Variants in S100Z observed in about 807,000 individuals in gnomAD.
S100Z encodes the protein protein S100-Z.
A neutral mutation model predicts 8.5 loss-of-function variants in S100Z; 11 were observed. The ratio of observed to expected loss-of-function variants is 1.30; its 90% CI spans 0.82 to 2.15. The LOEUF (loss-of-function observed/expected upper bound fraction) is 2.15, where lower values mean the gene tolerates loss of function less well. S100Z is among the 30% of genes most tolerant of loss of function. The pLI, the probability that S100Z is intolerant of heterozygous loss-of-function variation, is 0.00. For missense variants in S100Z, 126 were observed against 117.9 expected (o/e 1.07, Z -0.32); for synonymous variants, 34 against 43.8 (o/e 0.78, Z 0.89).
chr5:76,946,424 T>C, the S100Z span, among the ~76,000 whole-genome samples: 4 of 152,202 alleles, frequency 2.6e-5, no homozygotes, highest in African/African-American at 9.7e-5. Flanking sequence ...TTCACTACAC[T>C]CTACATTTCA....
At chr5:76,941,716 T>C in the S100Z span, among the ~76,000 whole-genome samples, 1 of 96,140 alleles carries the variant, frequency 1.0e-5, no homozygotes, top group African/African-American at 4.3e-5. Context: ...ACTCCACCCC[T>C]CCCTTCCCCC....
At chr5:76,926,005 GGCACATA>G (rs1249582106), downstream of S100Z, among the ~76,000 whole-genome samples, 2 of 152,086 alleles carry the variant, frequency 1.3e-5, no homozygotes, top group East Asian at 3.9e-4. Context: ...AAAATATAAG[GGCACATA>G]GTTTCAAAGG....
chr5:76,929,517 T>C, the S100Z span, among the ~76,000 whole-genome samples: 2 of 152,218 alleles, frequency 1.3e-5, no homozygotes, highest in Admixed American at 6.5e-5. Context: ...TGGCCAAATA[T>C]AAGTGCATGA....
At chr5:76,871,383 C>T (rs568472770) in intron 2 of S100Z, among the ~76,000 whole-genome samples, 19 of 152,278 alleles carry the variant, frequency 1.2e-4, no homozygotes, top group Non-Finnish European at 2.6e-4. Context: ...AAGGCTGCTA[C>T]CTGGAGGTTT....
At chr5:76,880,206 G>A (rs1324521165) in intron 4 of S100Z, among the ~76,000 whole-genome samples, 1 of 152,160 alleles carries the variant, frequency 6.6e-6, no homozygotes, top group Non-Finnish European at 1.5e-5. Flanking sequence ...AATTACAATG[G>A]TGGAATGTCA....
the S100Z span, among the ~76,000 whole-genome samples, chr5:76,936,125 T>C: frequency 2.0e-5 from 3 of 152,166 alleles, no homozygotes; most frequent in Non-Finnish European, 4.4e-5. Context: ...AATAGTAAAT[T>C]ATTCTATTAG....
chr5:76,896,281 A>C (rs2150665818), intron 4 of S100Z, among the ~76,000 whole-genome samples: 2 of 152,328 alleles, frequency 1.3e-5, no homozygotes, highest in South Asian at 4.1e-4. Context: ...AAGTGAGGAC[A>C]TGCGATGTTT....
intron 1 of S100Z, among the ~76,000 whole-genome samples, chr5:76,860,298 C>A (rs1751018996): frequency 6.6e-6 from 1 of 152,172 alleles, no homozygotes; most frequent in Admixed American, 6.5e-5. Flanking sequence ...TCGACTCCAG[C>A]AACTTTCACC....
downstream of S100Z, among the ~76,000 whole-genome samples, chr5:76,921,996 A>G (rs1471215492): frequency 2.0e-5 from 3 of 151,916 alleles, no homozygotes; most frequent in African/African-American, 2.4e-5. Context: ...CTCAAAAAAA[A>G]AAAAAAAGAA....
intron 4 of S100Z, among the ~76,000 whole-genome samples, chr5:76,902,886 C>G (rs1022896224): frequency 2.0e-5 from 3 of 152,134 alleles, no homozygotes; most frequent in African/African-American, 7.2e-5. Flanking sequence ...GATTTTTCTG[C>G]TTAAAAATAA....
At chr5:76,912,576 T>C (rs1194465515) in intron 4 of S100Z, among the ~76,000 whole-genome samples, 5 of 152,166 alleles carry the variant, frequency 3.3e-5, no homozygotes, top group Non-Finnish European at 7.3e-5. Flanking sequence ...AAAAAATAAA[T>C]GTGTATACGG....
the S100Z span, among the ~76,000 whole-genome samples, chr5:76,940,552 AC>A: frequency 1.3e-5 from 2 of 151,992 alleles, no homozygotes; most frequent in African/African-American, 4.8e-5. Flanking sequence ...AGCTGGGATT[AC>A]AGGCATCTGC....
chr5:76,864,386 A>ATTTTTTTTTTTTTT (rs56206322), intron 1 of S100Z, among the ~76,000 whole-genome samples: 1 of 72,172 alleles, frequency 1.4e-5, no homozygotes, highest in Non-Finnish European at 2.5e-5. Flanking sequence ...TGCATACTAT[A>ATTTTTTTTTTTTTT]TTTTTTTTTT....
At chr5:76,880,018 G>C (rs143897636) in intron 4 of S100Z, among the ~76,000 whole-genome samples, 1 of 152,298 alleles carries the variant, frequency 6.6e-6, no homozygotes, top group East Asian at 1.9e-4. Context: ...AAAGGGTGGC[G>C]GATTATCATT....
chr5:76,931,119 T>C, the S100Z span, among the ~76,000 whole-genome samples: 1 of 151,926 alleles, frequency 6.6e-6, no homozygotes, highest in Non-Finnish European at 1.5e-5. Context: ...TTTTTTTCTT[T>C]TTTGAGACAG....
At chr5:76,927,042 A>G in the S100Z span, among the ~76,000 whole-genome samples, 3 of 152,226 alleles carry the variant, frequency 2.0e-5, no homozygotes, top group Admixed American at 6.5e-5. Context: ...TCGCCTGTGC[A>G]TGATTGTAAG....
chr5:76,874,848 A>C (rs1346285615), intron 2 of S100Z, among the ~76,000 whole-genome samples: 1 of 152,104 alleles, frequency 6.6e-6, no homozygotes, highest in East Asian at 1.9e-4. Context: ...TTGCCCCAGC[A>C]AGGGTGGAAC....
At chr5:76,862,741 G>T (rs1354892855) in intron 1 of S100Z, among the ~76,000 whole-genome samples, 2 of 152,118 alleles carry the variant, frequency 1.3e-5, no homozygotes, top group African/African-American at 2.4e-5. Context: ...GTCGGAGGTT[G>T]CAGTGAGCCG....
chr5:76,915,952 T>G (rs1037017717), intron 4 of S100Z, among the ~76,000 whole-genome samples: 3 of 151,930 alleles, frequency 2.0e-5, no homozygotes, highest in African/African-American at 7.3e-5. Context: ...ATCATGAGGT[T>G]AGGATCAAGA....
Sources: gnomAD v4.1 joint callset for allele counts (sites outside exome capture counted in the v4.1 genomes callset) on GRCh38, gnomAD v4.1.1 for gene constraint, MANE v1.5 for transcripts, NCBI Gene and HGNC (gene_info 2026-07-23, HGNC 2026-07-21) for gene names.